The following PAN3 variants were observed in gnomAD, a reference collection of about 807,000 sequenced individuals.
PAN3 encodes the protein poly(A) specific ribonuclease subunit PAN3, also known as PAN2-PAN3 deadenylation complex subunit PAN3.
PAN3 carries 19 observed loss-of-function variants against 96.2 expected under a neutral mutation model. The observed-to-expected ratio is 0.20, with a 90% confidence interval of 0.14 to 0.29. PAN3 has a LOEUF of 0.29. PAN3 is among the 10% of genes least tolerant of loss of function. The pLI is 1.00. For synonymous variants in PAN3, 433 were observed against 406.6 expected, an observed-to-expected ratio of 1.06 and a Z score of -0.78; for missense variants, 882 against 1,108.1, an observed-to-expected ratio of 0.80 and a Z score of 2.90.
chr13:28,154,882 G>A (rs1237530935), intron 1 of PAN3, among the ~76,000 whole-genome samples: 4 of 148,214 alleles, frequency 2.7e-5, no homozygotes, highest in African/African-American at 1.0e-4. Flanking sequence ...GTGCAGTGGC[G>A]CGATCTCGGC....
chr13:28,172,964 C>T (rs1447693232), intron 1 of PAN3, among the ~76,000 whole-genome samples: 1 of 152,124 alleles, frequency 6.6e-6, no homozygotes, highest in Non-Finnish European at 1.5e-5. Context: ...TCAAGTTGCC[C>T]TCAATATATC....
intron 5 of PAN3, among the ~76,000 whole-genome samples, chr13:28,206,727 G>A (rs972601535): frequency 2.0e-5 from 3 of 146,682 alleles, no homozygotes; most frequent in African/African-American, 5.1e-5. Context: ...CTCTTAGATT[G>A]TTATTAGTGG....
intron 1 of PAN3, among the ~76,000 whole-genome samples, chr13:28,141,599 C>G (rs1340699208): frequency 1.3e-5 from 2 of 150,976 alleles, no homozygotes; most frequent in East Asian, 3.9e-4. Flanking sequence ...TCCCTAGTAG[C>G]TGGGATTACA....
chr13:28,207,136 C>T (rs1879471657), intron 5 of PAN3, among the ~76,000 whole-genome samples: 1 of 152,154 alleles, frequency 6.6e-6, no homozygotes, highest in Non-Finnish European at 1.5e-5. Flanking sequence ...TTTTCATTTA[C>T]ACACATCTGT....
chr13:28,267,302 C>T lies in PAN3; in HGVS notation c.1693C>T (p.Leu565Phe). 1.2e-6 allele frequency: 2 copies of T among 1,613,670 alleles called. No individual in the cohort carries two copies. Among genetic ancestry groups the T allele is most frequent in the Non-Finnish European group, 1.7e-6 (2 of 1,179,738 alleles). ...GAGTGTTTGTGTTTTATTTTAAGCTCTTGTGTTTGCATATGATTTCCATGC... is the reference window on the plus strand; with the variant it reads ...GAGTGTTTGTGTTTTATTTTAAGCTTTTGTGTTTGCATATGATTTCCATGC... Reference protein sequence around the residue: ...FTTKAFAEPSLVFAYDFHAGG... With the variant: ...FTTKAFAEPSFVFAYDFHAGG... The change falls in exon 12 of 19, where the codon CTT (leucine) becomes TTT (phenylalanine). Residue 565 changes from leucine (L) to phenylalanine (F), a missense_variant and splice_region_variant. Leu to Phe is a conservative substitution (Grantham distance 22, BLOSUM62 0). Transcript: ENST00000380958.
chr13:28,281,009 T>G (rs916334164), intron 16 of PAN3, among the ~76,000 whole-genome samples: 6 of 152,260 alleles, frequency 3.9e-5, no homozygotes, highest in African/African-American at 1.4e-4. Context: ...TTTTAATTTC[T>G]TATGTCCTCT....
chr13:28,170,328 G>A (rs1249374912), intron 1 of PAN3, among the ~76,000 whole-genome samples: 3 of 152,076 alleles, frequency 2.0e-5, no homozygotes, highest in African/African-American at 2.4e-5. Flanking sequence ...TTATAAGATG[G>A]TTTTATTGTC....
intron 4 of PAN3, among the ~76,000 whole-genome samples, chr13:28,194,947 G>T (rs1200132670): frequency 6.6e-6 from 1 of 151,848 alleles, no homozygotes; most frequent in Non-Finnish European, 1.5e-5. Flanking sequence ...GTGGTTCCAT[G>T]GCATGAATCA....
At chr13:28,242,266 C>T (rs976343589) in intron 6 of PAN3, among the ~76,000 whole-genome samples, 1 of 152,122 alleles carries the variant, frequency 6.6e-6, no homozygotes, top group South Asian at 2.1e-4. Flanking sequence ...GTACTTCTTC[C>T]GTGATGGCCT....
At chr13:28,144,718 CTTTTTTTTTTT>C (rs1555267660) in intron 1 of PAN3, among the ~76,000 whole-genome samples, 1 of 46,776 alleles carries the variant, frequency 2.1e-5, no homozygotes, top group Admixed American at 3.1e-4. Flanking sequence ...AAAACATCAT[CTTTTTTTTTTT>C]TTTTTTTTTT....
intron 4 of PAN3, among the ~76,000 whole-genome samples, chr13:28,195,928 C>T (rs776340069): frequency 6.6e-6 from 1 of 151,850 alleles, no homozygotes; most frequent in African/African-American, 2.4e-5. Context: ...GCATTATTTG[C>T]AAGATTTTGA....
rs371992772 is a variant in PAN3 at position 28,281,391 on chromosome 13, C to T, written c.2384+12C>T. 7 of 1,590,280 alleles carry T rather than the reference C, an allele frequency of 4.4e-6. No homozygotes were observed. Among genetic ancestry groups the T allele is most frequent in the Non-Finnish European group, 6.0e-6 (7 of 1,159,720 alleles). On this transcript the variant is annotated intron_variant, in intron 17 of 18. Coordinates refer to ENST00000380958, the MANE Select transcript of PAN3 (RefSeq NM_175854.8). ...AATGAGAGGCCGGAGTAAGGATTTA[C>T]AGTATTTTACAATATATTTTTAATC...
intron 6 of PAN3, among the ~76,000 whole-genome samples, chr13:28,230,082 GAA>G (rs1882385480): frequency 1.3e-5 from 2 of 148,386 alleles, no homozygotes; most frequent in African/African-American, 5.0e-5. Context: ...TTTTAAATGA[GAA>G]AAAGGCTTTG....
At chr13:28,177,806 A>G in intron 3 of PAN3, 59 bp from the exon 4 acceptor site, 2 of 1,363,954 alleles carry the variant, frequency 1.5e-6, no homozygotes, top group South Asian at 2.4e-5. Flanking sequence ...TTAAACAGTT[A>G]TTAGATTTGC....
At chr13:28,148,796 T>G (rs572430011) in intron 1 of PAN3, among the ~76,000 whole-genome samples, 4 of 152,344 alleles carry the variant, frequency 2.6e-5, no homozygotes, top group Admixed American at 6.5e-5. Context: ...ATGGCTTATC[T>G]TGTAGTTTGT....
At chr13:28,170,781 C>T (rs1336224357) in intron 1 of PAN3, among the ~76,000 whole-genome samples, 2 of 151,824 alleles carry the variant, frequency 1.3e-5, no homozygotes, top group Admixed American at 6.6e-5. Flanking sequence ...AGATAAATGA[C>T]GAATGTCTTT....
intron 6 of PAN3, among the ~76,000 whole-genome samples, chr13:28,234,240 A>G (rs1882869824): frequency 6.6e-6 from 1 of 152,084 alleles, no homozygotes; most frequent in Non-Finnish European, 1.5e-5. Context: ...TCTCTTTTCC[A>G]GGTTGGAATG....
chr13:28,168,180 T>A (rs550705216), intron 1 of PAN3, among the ~76,000 whole-genome samples: 5 of 152,344 alleles, frequency 3.3e-5, no homozygotes, highest in African/African-American at 1.2e-4. Flanking sequence ...GTATACCTTA[T>A]TTGAAATACC....
intron 5 of PAN3, among the ~76,000 whole-genome samples, chr13:28,211,485 A>T (rs1212047374): frequency 6.6e-6 from 1 of 152,212 alleles, no homozygotes; most frequent in Non-Finnish European, 1.5e-5. Flanking sequence ...TTTAGGAAAG[A>T]GATTGTAAGG....
Sources: allele counts gnomAD v4.1 joint callset (sites outside exome capture counted in the v4.1 genomes callset), GRCh38; gene constraint gnomAD v4.1.1; transcripts MANE v1.5; gene names NCBI Gene and HGNC (gene_info 2026-07-23, HGNC 2026-07-21).